OTUD7B: variants seen among roughly 807,000 people sequenced by gnomAD.
OTUD7B encodes OTU deubiquitinase 7B.
In OTUD7B, 34 loss-of-function variants were observed where a neutral mutation model predicts 82.2. The ratio of observed to expected loss-of-function variants is 0.41; its 90% CI spans 0.31 to 0.55. OTUD7B has a LOEUF of 0.55. Ranked by LOEUF, OTUD7B falls within the 20% of genes least tolerant of loss-of-function variation. The pLI is 0.20. For synonymous variants in OTUD7B, 398 were observed against 402.7 expected, an observed-to-expected ratio of 0.99 and a Z score of 0.14; for missense variants, 944 against 1,062.1, an observed-to-expected ratio of 0.89 and a Z score of 1.55.
chr1:149,976,521 G>C (rs782402205), intron 2 of OTUD7B, among the ~76,000 whole-genome samples: 1 of 143,176 alleles, frequency 7.0e-6, no homozygotes, highest in East Asian at 2.2e-4. Context: ...TGAGGCAGGA[G>C]AATTGCATGA....
chr1:150,065,852 T>TTTTTTTTTTTTTTTTTTTTTTTTTTTTA, the OTUD7B span, among the ~76,000 whole-genome samples: 1 of 152,322 alleles, frequency 6.6e-6, no homozygotes, highest in African/African-American at 2.4e-5. Context: ...TCAAAATGTT[T>TTTTTTTTTTTTTTTTTTTTTTTTTTTTA]ATGTTCCATA....
chr1:150,002,208 C>CTTT (rs35291427), intron 1 of OTUD7B, among the ~76,000 whole-genome samples: 1 of 149,104 alleles, frequency 6.7e-6, no homozygotes, highest in African/African-American at 2.5e-5. Flanking sequence ...TTTAGATATT[C>CTTT]TTTTTTTTTT....
intron 8 of OTUD7B, 49 bp from the exon 9 acceptor site, chr1:149,949,827 G>A (rs782414808): frequency 1.3e-6 from 2 of 1,574,118 alleles, no homozygotes; most frequent in East Asian, 4.6e-5. Flanking sequence ...TCTGCCTAGT[G>A]GACAATCCCT....
At position 149,967,448 on chromosome 1, in the gene OTUD7B, G is replaced by A. The variant is rs1206108531; in HGVS notation, c.348C>T (p.Ser116=). The A allele has an allele frequency of 2.5e-6, 4 of 1,613,970 alleles. No individual in the cohort carries two copies. The East Asian group carries it at 8.9e-5, about 36-fold the overall frequency. The part of the protein sequence containing the change: ...IVSLARSHVS[S]NGGGGGSNEH... ...CATTGCTCCCCCCACCCCCACCATTGGAGGAGACATGGGACCGGGCCAGGG... is the reference window on the plus strand; with the variant it reads ...CATTGCTCCCCCCACCCCCACCATTAGAGGAGACATGGGACCGGGCCAGGG... The change falls in exon 4 of 12, where the codon TCC becomes TCT. Residue 116 remains serine, a synonymous_variant. Transcript: ENST00000581312.
the OTUD7B span, among the ~76,000 whole-genome samples, chr1:150,018,545 T>A: frequency 6.6e-6 from 1 of 152,098 alleles, no homozygotes; most frequent in Non-Finnish European, 1.5e-5. Flanking sequence ...GAGCAAAAAA[T>A]ACTCAGCAAA....
chr1:150,041,265 A>C, the OTUD7B span, among the ~76,000 whole-genome samples: 1 of 152,158 alleles, frequency 6.6e-6, no homozygotes, highest in African/African-American at 2.4e-5. Context: ...ATACATTAGT[A>C]TGCTTTTAAA....
chr1:150,064,965 C>G, the OTUD7B span, among the ~76,000 whole-genome samples: 1 of 152,148 alleles, frequency 6.6e-6, no homozygotes, highest in African/African-American at 2.4e-5. Context: ...ACAAAATGGG[C>G]AGTTAAACCT....
the OTUD7B span, among the ~76,000 whole-genome samples, chr1:150,017,534 T>G: frequency 2.0e-5 from 3 of 152,132 alleles, no homozygotes; most frequent in African/African-American, 7.2e-5. Context: ...GTCAGCTTAA[T>G]CTCCACCTCA....
At chr1:150,031,688 CCCAGCTCTACCACCTT>C in the OTUD7B span, among the ~76,000 whole-genome samples, 1 of 152,168 alleles carries the variant, frequency 6.6e-6, no homozygotes, top group Non-Finnish European at 1.5e-5. Context: ...AAGCTTGAAT[CCCAGCTCTACCACCTT>C]CCAGCTCTTT....
chr1:149,998,331 CAG>C (rs1652049105), intron 1 of OTUD7B, among the ~76,000 whole-genome samples: 1 of 152,212 alleles, frequency 6.6e-6, no homozygotes, highest in Non-Finnish European at 1.5e-5. Context: ...ATTCCCTACT[CAG>C]AGATTTTTCA....
chr1:150,026,936 T>C, the OTUD7B span, among the ~76,000 whole-genome samples: 1 of 152,182 alleles, frequency 6.6e-6, no homozygotes, highest in East Asian at 1.9e-4. Context: ...TATTTAGAAT[T>C]TATATAAATT....
intron 1 of OTUD7B, among the ~76,000 whole-genome samples, chr1:149,988,065 T>C (rs999447247): frequency 6.6e-6 from 1 of 152,326 alleles, no homozygotes; most frequent in Admixed American, 6.5e-5. Flanking sequence ...ATGTATATTA[T>C]CTATTTTTTT....
Position 149,950,228 on chromosome 1 carries a change from C to G in OTUD7B, c.846-7G>C, listed in dbSNP as rs201175858. The G allele has an allele frequency of 2.5e-6, 4 of 1,613,574 alleles. No individual in the cohort carries two copies. Among genetic ancestry groups the G allele is most frequent in the South Asian group, 2.2e-5 (2 of 91,036 alleles). On this transcript the variant is annotated splice_polypyrimidine_tract_variant and splice_region_variant and intron_variant, in intron 7 of 11. Transcript: ENST00000581312. The stretch of plus-strand genomic sequence containing the variant: ...CTCCTCAGAACTCTCCACCCTGGAA[C>G]GACGGGAAGGGAGAGAGTGAAAAGG...
the OTUD7B span, among the ~76,000 whole-genome samples, chr1:150,062,708 CTTTTT>C: frequency 5.2e-5 from 5 of 96,056 alleles, no homozygotes; most frequent in Non-Finnish European, 9.6e-5. Flanking sequence ...CTTCTTCTTT[CTTTTT>C]TTTTTTTTTT....
the OTUD7B span, among the ~76,000 whole-genome samples, chr1:150,058,519 G>T: frequency 6.6e-6 from 1 of 151,788 alleles, no homozygotes; most frequent in Admixed American, 6.6e-5. Flanking sequence ...TTTGAGACTG[G>T]GTGACCCTGT....
At chr1:150,004,275 G>T (rs1364184134) in intron 1 of OTUD7B, among the ~76,000 whole-genome samples, 1 of 151,992 alleles carries the variant, frequency 6.6e-6, no homozygotes, top group Non-Finnish European at 1.5e-5. Context: ...AAAATATAAA[G>T]TTGACCGGGC....
At chr1:150,021,152 C>A in the OTUD7B span, among the ~76,000 whole-genome samples, 1 of 152,176 alleles carries the variant, frequency 6.6e-6, no homozygotes, top group Non-Finnish European at 1.5e-5. Flanking sequence ...ACACCCCTAA[C>A]AATTGTTTTT....
At chr1:149,991,986 T>C (rs1297451267) in intron 1 of OTUD7B, among the ~76,000 whole-genome samples, 2 of 152,136 alleles carry the variant, frequency 1.3e-5, no homozygotes, top group East Asian at 3.8e-4. Flanking sequence ...TCTTAGCACT[T>C]TGGGAGGCCA....
At chr1:149,986,721 T>A (rs1651168728) in intron 1 of OTUD7B, among the ~76,000 whole-genome samples, 2 of 152,202 alleles carry the variant, frequency 1.3e-5, no homozygotes, top group African/African-American at 4.8e-5. Context: ...GTCTATGATG[T>A]CAGTCCCAAG....
Sources: allele counts gnomAD v4.1 joint callset (sites outside exome capture counted in the v4.1 genomes callset), GRCh38; gene constraint gnomAD v4.1.1; transcripts MANE v1.5; gene names NCBI Gene and HGNC (gene_info 2026-07-23, HGNC 2026-07-21).